Variants in PPP3CB observed in about 807,000 individuals in gnomAD.
PPP3CB encodes serine/threonine-protein phosphatase 2B catalytic subunit beta isoform.
In PPP3CB, 8 loss-of-function variants were observed where a neutral mutation model predicts 66.4. The observed-to-expected ratio is 0.12, with a 90% CI of 0.07 to 0.22. The LOEUF (loss-of-function observed/expected upper bound fraction) is 0.22. Ranked by LOEUF, PPP3CB falls within the 10% of genes least tolerant of loss-of-function variation. The probability of loss-of-function intolerance (pLI) is 1.00; values close to 1 mark genes in which losing one functional copy is unlikely to be tolerated. For synonymous variants in PPP3CB, 208 were observed against 221.2 expected, an observed-to-expected ratio of 0.94 and a Z score of 0.53; for missense variants, 319 against 642.5, an observed-to-expected ratio of 0.50 and a Z score of 5.44.
chr10:73,478,850 C>G (rs1037677965), intron 2 of PPP3CB, among the ~76,000 whole-genome samples: 1 of 152,086 alleles, frequency 6.6e-6, no homozygotes, highest in African/African-American at 2.4e-5. Flanking sequence ...TGGTCAGTGA[C>G]AAACTGAAAT....
intron 13 of PPP3CB, among the ~76,000 whole-genome samples, chr10:73,439,126 T>C (rs910888195): frequency 3.3e-5 from 5 of 152,230 alleles, no homozygotes; most frequent in Non-Finnish European, 5.9e-5. Context: ...TCTCCACCAA[T>C]TGTATGGTTT....
Position 73,474,903 on chromosome 10 carries a change from T to C in PPP3CB, c.523+16A>G. ...AATACTGAGGAAGTGAAAACATTTCTTCTGGCAGTACTCACATTCCTGCTT... is the reference window on the plus strand; with the variant it reads ...AATACTGAGGAAGTGAAAACATTTCCTCTGGCAGTACTCACATTCCTGCTT... On this transcript the variant is annotated intron_variant, in intron 4 of 13. Coordinates refer to ENST00000360663, the MANE Select transcript of PPP3CB (RefSeq NM_021132.4). 1 of 1,611,618 alleles carries C rather than the reference T, an allele frequency of 6.2e-7. No individual in the cohort carries two copies.
intron 11 of PPP3CB, among the ~76,000 whole-genome samples, chr10:73,445,580 G>C (rs1208117052): frequency 6.6e-6 from 1 of 151,744 alleles, no homozygotes; most frequent in East Asian, 1.9e-4. Flanking sequence ...CGAGTAGCTG[G>C]GACCACAGGT....
chr10:73,494,492 G>T (rs569398166), intron 1 of PPP3CB, among the ~76,000 whole-genome samples: 50 of 151,944 alleles, frequency 3.3e-4, no homozygotes, highest in African/African-American at 1.2e-3. Context: ...AAAAGGTTTC[G>T]CCATGTTGCC....
chr10:73,457,073 T>C (rs528365812), intron 9 of PPP3CB, among the ~76,000 whole-genome samples: 4 of 151,726 alleles, frequency 2.6e-5, no homozygotes, highest in Admixed American at 6.6e-5. Flanking sequence ...ACCTTAAATA[T>C]ACACAATAAA....
chr10:73,469,941 T>C (rs1225754642), intron 8 of PPP3CB, among the ~76,000 whole-genome samples: 3 of 152,236 alleles, frequency 2.0e-5, no homozygotes, highest in Non-Finnish European at 2.9e-5. Flanking sequence ...CTTCCAAAGA[T>C]GTAAACTACA....
At chr10:73,457,081 A>G (rs755879576) in intron 9 of PPP3CB, among the ~76,000 whole-genome samples, 1 of 151,826 alleles carries the variant, frequency 6.6e-6, no homozygotes, top group Non-Finnish European at 1.5e-5. Flanking sequence ...TATACACAAT[A>G]AAATGTATTT....
chr10:73,438,118 A>C lies in PPP3CB; in HGVS notation c.*124T>G. 1 of 979,736 alleles carries C rather than the reference A, an allele frequency of 1.0e-6. No individual in the cohort carries two copies. The highest frequency in any genetic ancestry group is 1.5e-6 in the Non-Finnish European group (1 of 672,878). The allele number at this position is 979,736 out of a possible 1,614,324, so 60.7% of individuals were successfully genotyped here. On this transcript the variant is annotated 3_prime_UTR_variant, in exon 14 of 14. Coordinates refer to ENST00000360663, the MANE Select transcript of PPP3CB (RefSeq NM_021132.4). ...CATCCAGGAAGGGGGCTAGGGTCTC[A>C]GAAGCACAATGGTTTCTTCAGAGAG...
chr10:73,451,094 G>A, intron 10 of PPP3CB, among the ~76,000 whole-genome samples: 1 of 151,996 alleles, frequency 6.6e-6, no homozygotes, highest in South Asian at 2.1e-4. Flanking sequence ...ACTATAATTA[G>A]ACTTAACAAG....
At position 73,465,267 on chromosome 10, in the gene PPP3CB, G is replaced by A. The variant is rs893338955; in HGVS notation, c.1108+2286C>T. On this transcript the variant is annotated intron_variant, in intron 9 of 13. Transcript: ENST00000360663. ...GGGTTTTGCTATATTGTCTAGGCTG[G>A]GGTGCAGTGGCTATTCAGATGTTTG... Among the ~76,000 whole-genome samples, 5 of 152,048 alleles carry A rather than the reference G, an allele frequency of 3.3e-5. No homozygotes were observed. The South Asian group carries it at 1.0e-3, about 32-fold the overall frequency.
intron 12 of PPP3CB, 116 bp downstream of exon 12, chr10:73,444,609 G>A (rs1211036632): frequency 6.4e-7 from 1 of 1,556,022 alleles, no homozygotes; most frequent in Admixed American, 2.0e-5. Flanking sequence ...GTCAGCTGCT[G>A]AGACAGGAAC....
At chr10:73,473,013 A>T (rs1002944818) in intron 4 of PPP3CB, among the ~76,000 whole-genome samples, 2 of 152,170 alleles carry the variant, frequency 1.3e-5, no homozygotes, top group African/African-American at 2.4e-5. Flanking sequence ...TTCAAATATT[A>T]AAAAAACTAT....
chr10:73,487,310 G>A (rs2056995015), intron 1 of PPP3CB, among the ~76,000 whole-genome samples: 1 of 152,100 alleles, frequency 6.6e-6, no homozygotes, highest in Non-Finnish European at 1.5e-5. Flanking sequence ...TACTTTGGGA[G>A]GTCAAGGTGG....
intron 9 of PPP3CB, among the ~76,000 whole-genome samples, chr10:73,457,103 T>C (rs1249457277): frequency 6.6e-6 from 1 of 151,160 alleles, no homozygotes; most frequent in Non-Finnish European, 1.5e-5. Context: ...TTTAAAAAAT[T>C]AGAAAACTTT....
intron 1 of PPP3CB, among the ~76,000 whole-genome samples, chr10:73,487,724 T>C (rs1183786190): frequency 6.6e-6 from 1 of 152,096 alleles, no homozygotes; most frequent in African/African-American, 2.4e-5. Flanking sequence ...CCAAGTACTT[T>C]CACATACATA....
intron 4 of PPP3CB, among the ~76,000 whole-genome samples, chr10:73,474,200 G>A (rs570661632): frequency 4.6e-4 from 69 of 149,678 alleles, no homozygotes; most frequent in Non-Finnish European, 9.4e-4. Context: ...ATGTCACCAC[G>A]CCTGGCTAAT....
At chr10:73,463,118 C>G (rs2056557071) in intron 9 of PPP3CB, among the ~76,000 whole-genome samples, 1 of 152,072 alleles carries the variant, frequency 6.6e-6, no homozygotes, top group Non-Finnish European at 1.5e-5. Context: ...CTCAAAATAT[C>G]CAAGTCATCT....
intron 10 of PPP3CB, among the ~76,000 whole-genome samples, chr10:73,447,045 C>T (rs1054267874): frequency 1.3e-5 from 2 of 152,120 alleles, no homozygotes; most frequent in African/African-American, 4.8e-5. Context: ...CTGACAATAT[C>T]CCATCAGACT....
At chr10:73,466,747 A>G (rs573372103) in intron 9 of PPP3CB, among the ~76,000 whole-genome samples, 5 of 152,326 alleles carry the variant, frequency 3.3e-5, no homozygotes, top group Admixed American at 3.3e-4. Flanking sequence ...TACAGAAAGG[A>G]ACATTTTGTA....
Sources: allele counts gnomAD v4.1 joint callset (sites outside exome capture counted in the v4.1 genomes callset), GRCh38; gene constraint gnomAD v4.1.1; transcripts MANE v1.5; gene names NCBI Gene and HGNC (gene_info 2026-07-23, HGNC 2026-07-21).